The following SEM1 variants were observed in gnomAD, a reference collection of about 807,000 sequenced individuals.
The protein encoded by SEM1 is 26S proteasome complex subunit SEM1.
Under a neutral mutation model 12.7 loss-of-function variants are expected in SEM1, and 3 were observed. That is an observed-to-expected ratio of 0.24 (90% CI 0.11 to 0.61). The LOEUF is 0.61. Among genes scored for constraint, SEM1 ranks in the 20% least tolerant of loss-of-function variants. The pLI, the probability that SEM1 is intolerant of heterozygous loss-of-function variation, is 0.88. For synonymous variants in SEM1, 30 were observed against 27.8 expected (o/e 1.08, Z -0.25); for missense variants, 59 against 81.3 (o/e 0.73, Z 1.06).
intron 2 of SEM1, among the ~76,000 whole-genome samples, chr7:96,581,280 C>T (rs1048657635): frequency 3.9e-5 from 6 of 152,046 alleles, no homozygotes; most frequent in African/African-American, 1.4e-4. Flanking sequence ...CAGATAGTTG[C>T]AGATATGCGG....
At chr7:96,512,156 C>T (rs553169840) in intron 2 of SEM1, among the ~76,000 whole-genome samples, 1 of 152,246 alleles carries the variant, frequency 6.6e-6, no homozygotes, top group South Asian at 2.1e-4. Context: ...CCTGTCCCCA[C>T]TCCAAGCCCA....
intron 1 of SEM1, among the ~76,000 whole-genome samples, chr7:96,708,443 G>A (rs1790538322): frequency 6.6e-6 from 1 of 152,082 alleles, no homozygotes. Flanking sequence ...ATCATCATAG[G>A]GTATACAACT....
At chr7:96,683,228 G>A (rs1339471397) in intron 2 of SEM1, among the ~76,000 whole-genome samples, 3 of 151,582 alleles carry the variant, frequency 2.0e-5, no homozygotes, top group African/African-American at 7.3e-5. Flanking sequence ...TGAATGATAT[G>A]AACAGACACT....
chr7:96,675,712 T>C (rs992076230), intron 2 of SEM1, among the ~76,000 whole-genome samples: 5 of 152,252 alleles, frequency 3.3e-5, no homozygotes, highest in East Asian at 1.9e-4. Flanking sequence ...CTCCCTGTTA[T>C]AGCCAGGGGG....
At chr7:96,693,859 C>T (rs781180037) in intron 2 of SEM1, among the ~76,000 whole-genome samples, 4 of 150,924 alleles carry the variant, frequency 2.7e-5, no homozygotes, top group Admixed American at 6.6e-5. Flanking sequence ...TGTACACGTA[C>T]GTTCATAGCA....
chr7:96,546,841 C>T (rs1045405122), intron 2 of SEM1, among the ~76,000 whole-genome samples: 3 of 152,028 alleles, frequency 2.0e-5, no homozygotes, highest in Non-Finnish European at 4.4e-5. Flanking sequence ...CAGCCTAAAG[C>T]ACATTTTCTC....
intron 1 of SEM1, among the ~76,000 whole-genome samples, chr7:96,698,912 T>C (rs556152274): frequency 1.6e-4 from 25 of 152,274 alleles, no homozygotes; most frequent in South Asian, 1.0e-3. Flanking sequence ...CTTCTCCACA[T>C]CCTCTCCAGC....
At chr7:96,610,340 C>T (rs558306404) in intron 2 of SEM1, among the ~76,000 whole-genome samples, 3 of 152,224 alleles carry the variant, frequency 2.0e-5, no homozygotes, top group Non-Finnish European at 4.4e-5. Context: ...CTCAGGTGAT[C>T]CGCCTGCCTG....
chr7:96,601,072 T>C (rs1807183554), intron 2 of SEM1, among the ~76,000 whole-genome samples: 1 of 152,282 alleles, frequency 6.6e-6, no homozygotes, highest in East Asian at 1.9e-4. Flanking sequence ...CCCCAGTAGG[T>C]TGTCCATAGG....
At chr7:96,673,856 T>C (rs1192858266) in exon 3 of SEM1, 1 of 765,062 alleles carries the variant, frequency 1.3e-6, no homozygotes, top group South Asian at 1.3e-5. Context: ...GGAGTACAGT[T>C]GCCCTGGAAA....
chr7:96,582,175 G>T (rs551544079), intron 2 of SEM1, among the ~76,000 whole-genome samples: 2 of 151,636 alleles, frequency 1.3e-5, no homozygotes, highest in South Asian at 4.2e-4. Context: ...AGAGTTTTTT[G>T]CATGAAGGGT....
downstream of SEM1, chr7:96,688,502 T>C (rs547425327): frequency 1.0e-3 from 155 of 153,448 alleles, no homozygotes; most frequent in Non-Finnish European, 1.8e-3. Context: ...ACAGAAGAGA[T>C]TAAGGTTCAA....
chr7:96,679,321 G>A (rs552098123), intron 2 of SEM1, among the ~76,000 whole-genome samples: 1 of 152,084 alleles, frequency 6.6e-6, no homozygotes, highest in Non-Finnish European at 1.5e-5. Flanking sequence ...AAATCATTAA[G>A]ACACATCCTA....
chr7:96,585,957 C>T (rs1033498498), intron 2 of SEM1, among the ~76,000 whole-genome samples: 16 of 152,102 alleles, frequency 1.1e-4, no homozygotes, highest in Non-Finnish European at 1.6e-4. Flanking sequence ...AGCTGTAGAC[C>T]GGAGCTGTTC....
chr7:96,611,294 G>A (rs1345019040), intron 2 of SEM1, among the ~76,000 whole-genome samples: 1 of 152,128 alleles, frequency 6.6e-6, no homozygotes, highest in Non-Finnish European at 1.5e-5. Context: ...ATAAATTTAT[G>A]TACCTTTTCT....
At chr7:96,551,904 C>G (rs1805290146) in intron 2 of SEM1, among the ~76,000 whole-genome samples, 1 of 152,128 alleles carries the variant, frequency 6.6e-6, no homozygotes, top group Non-Finnish European at 1.5e-5. Flanking sequence ...ACATTTATTT[C>G]AGACTTCTGG....
At chr7:96,613,460 T>C (rs1177136632) in intron 2 of SEM1, among the ~76,000 whole-genome samples, 2 of 152,232 alleles carry the variant, frequency 1.3e-5, no homozygotes, top group Non-Finnish European at 2.9e-5. Context: ...TTAATTGACA[T>C]ATAATTGTGT....
At chr7:96,575,010 C>T (rs972340314) in intron 2 of SEM1, among the ~76,000 whole-genome samples, 2 of 152,076 alleles carry the variant, frequency 1.3e-5, no homozygotes, top group Middle Eastern at 3.2e-3. Flanking sequence ...CCCTTGCTGG[C>T]GAGGACTTGT....
At chr7:96,644,486 A>G (rs575763562) in intron 2 of SEM1, among the ~76,000 whole-genome samples, 2 of 152,246 alleles carry the variant, frequency 1.3e-5, no homozygotes, top group East Asian at 3.9e-4. Context: ...AGTCAACTGC[A>G]AGAGGTCAGG....
Sources: allele counts gnomAD v4.1 joint callset (sites outside exome capture counted in the v4.1 genomes callset), GRCh38; gene constraint gnomAD v4.1.1; transcripts MANE v1.5; gene names NCBI Gene and HGNC (gene_info 2026-07-23, HGNC 2026-07-21).